FAM124A: variants seen among roughly 807,000 people sequenced by gnomAD.
The protein encoded by FAM124A is family with sequence similarity 124 member A, also known as protein FAM124A.
Under a neutral mutation model 24.5 loss-of-function variants are expected in FAM124A, and 23 were observed. The ratio of observed to expected loss-of-function variants is 0.94; its 90% CI spans 0.68 to 1.33. FAM124A has a LOEUF of 1.33. Ranked by LOEUF, FAM124A falls within the 40% of genes most tolerant of loss-of-function variation. The pLI, the probability that FAM124A is intolerant of heterozygous loss-of-function variation, is 0.00. For missense variants in FAM124A, 623 were observed against 722.8 expected, an observed-to-expected ratio of 0.86 and a Z score of 1.58; for synonymous variants, 287 against 314.7, an observed-to-expected ratio of 0.91 and a Z score of 0.93.
At chr13:51,239,685 G>A (rs1233330602) in intron 2 of FAM124A, among the ~76,000 whole-genome samples, 3 of 152,056 alleles carry the variant, frequency 2.0e-5, no homozygotes, top group Non-Finnish European at 4.4e-5. Flanking sequence ...GAATTGCTGG[G>A]GTAAAAACTG....
intron 2 of FAM124A, among the ~76,000 whole-genome samples, chr13:51,243,990 A>G (rs960562119): frequency 3.9e-5 from 6 of 152,168 alleles, no homozygotes; most frequent in African/African-American, 1.4e-4. Context: ...AGTGCCGTTG[A>G]TGGGGGCTTT....
At chr13:51,263,084 T>G (rs994628273) in intron 3 of FAM124A, among the ~76,000 whole-genome samples, 1 of 152,176 alleles carries the variant, frequency 6.6e-6, no homozygotes, top group Non-Finnish European at 1.5e-5. Context: ...GGCCTCTCAC[T>G]CTGACATCTC....
At chr13:51,261,505 C>A (rs1954737805) in intron 3 of FAM124A, among the ~76,000 whole-genome samples, 1 of 152,086 alleles carries the variant, frequency 6.6e-6, no homozygotes, top group African/African-American at 2.4e-5. Context: ...GACATCATTG[C>A]CTTTTCAGCC....
intron 3 of FAM124A, among the ~76,000 whole-genome samples, chr13:51,278,547 C>T (rs1482162526): frequency 6.6e-6 from 1 of 152,200 alleles, no homozygotes; most frequent in Non-Finnish European, 1.5e-5. Context: ...GATGTGGAGG[C>T]TCCTCAAGCA....
In FAM124A at chr13:51,222,555, C is replaced by G; in HGVS notation, c.54C>G (p.Gly18=). The change falls in exon 1 of 4, where the codon GGC becomes GGG. Residue 18 remains glycine, a synonymous_variant. Coordinates refer to ENST00000322475, the MANE Select transcript of FAM124A (RefSeq NM_001242312.2). Reference sequence around the variant, plus strand: ...AGGAGGACGACTGCGTGGACTCGGGCGCCGAGACCGGAGGGTGAGCCGCGC... The same window carrying G: ...AGGAGGACGACTGCGTGGACTCGGGGGCCGAGACCGGAGGGTGAGCCGCGC... The part of the protein sequence containing the change: ...GGEEDDCVDS[G]AETGGSDYSH... 1 of 1,227,062 alleles carries G rather than the reference C, an allele frequency of 8.1e-7. No homozygotes were observed. Among genetic ancestry groups the G allele is most frequent in the Non-Finnish European group, 1.0e-6 (1 of 986,268 alleles). The allele number at this position is 1,227,062 out of a possible 1,614,324, so 76.0% of individuals were successfully genotyped here.
chr13:51,251,257 G>C lies in FAM124A; in HGVS notation c.101-211G>C, dbSNP rs1344550733. Among the ~76,000 whole-genome samples the C allele has an allele frequency of 1.3e-5, 2 of 152,138 alleles. No individual in the cohort carries two copies. Among genetic ancestry groups the C allele is most frequent in the Non-Finnish European group, 2.9e-5 (2 of 68,024 alleles). ...CCTGTCCAGCTTAGAAACTATTCACGTAGCAACAGCCCTTTCCTCTTTGGC... is the reference window on the plus strand; with the variant it reads ...CCTGTCCAGCTTAGAAACTATTCACCTAGCAACAGCCCTTTCCTCTTTGGC... On this transcript the variant is annotated intron_variant, in intron 2 of 3. Coordinates refer to ENST00000322475, the MANE Select transcript of FAM124A (RefSeq NM_001242312.2). The surrounding 1 kb of genome is among the most constrained non-coding windows in gnomAD (Gnocchi z 5.3).
chr13:51,242,914 G>A (rs193267915), intron 2 of FAM124A, among the ~76,000 whole-genome samples: 21 of 152,282 alleles, frequency 1.4e-4, no homozygotes, highest in Admixed American at 9.2e-4. Flanking sequence ...TTATAAAAGC[G>A]TGAGAGGGCC....
intron 1 of FAM124A, among the ~76,000 whole-genome samples, chr13:51,226,974 T>A (rs1954321382): frequency 6.6e-6 from 1 of 152,198 alleles, no homozygotes; most frequent in Admixed American, 6.5e-5. Flanking sequence ...AGCATATATA[T>A]TTAAAGCCCC....
intron 2 of FAM124A, among the ~76,000 whole-genome samples, chr13:51,234,274 C>T (rs1326832769): frequency 6.6e-6 from 1 of 152,138 alleles, no homozygotes; most frequent in Non-Finnish European, 1.5e-5. Flanking sequence ...GCAAGAGCAT[C>T]GACCTTGTTG....
At chr13:51,230,667 T>A (rs1008374798) in intron 1 of FAM124A, among the ~76,000 whole-genome samples, 1 of 152,174 alleles carries the variant, frequency 6.6e-6, no homozygotes, top group African/African-American at 2.4e-5. Context: ...AGAGCCCCAC[T>A]CTTACGGAGG....
rs913425022 is a variant in FAM124A, at chr13:51,258,465, C to T, written c.834+6264C>T. 6.6e-6 allele frequency among the ~76,000 whole-genome samples: 1 copy of T among 152,080 alleles called. No homozygotes were observed. Among genetic ancestry groups the T allele is most frequent in the Non-Finnish European group, 1.5e-5 (1 of 67,990 alleles). ...GGGGTGAGGGCCATCTGGGATCTCT[C>T]GTGGGTCTCCGAACCCTCTTCAGAC... On this transcript the variant is annotated intron_variant, in intron 3 of 3. Transcript: ENST00000322475. This position sits in a 1 kb window ranked among gnomAD's most constrained non-coding sequence, Gnocchi z 4.2.
At position 51,280,500 on chromosome 13, in the gene FAM124A, C is replaced by T. The variant is rs1954924842; in HGVS notation, c.885C>T (p.Ala295=). ...CTAAACCTGGCAGAGTACATCATGC[C>T]TCCGAGAAGAAACGTCATTCCACTC... ...KFPKPGRVHH[A]SEKKRHSTPL... Residue 295 remains alanine (A), a synonymous_variant, in exon 4 of 4, where the codon GCC becomes GCT. Coordinates refer to ENST00000322475, the MANE Select transcript of FAM124A (RefSeq NM_001242312.2). The T allele has an allele frequency of 1.9e-6, 3 of 1,613,634 alleles. No individual in the cohort carries two copies. The highest frequency in any genetic ancestry group is 1.3e-5 in the African/African-American group (1 of 75,006).
In FAM124A at chr13:51,226,318, A is replaced by G. The variant is rs139196048; in HGVS notation, c.68+3749A>G. ...CTGGCCCTATAGTGTCAGCATTCTG[A>G]AAAAGTGGAGGCAGATGGACTTCAT... On this transcript the variant is annotated intron_variant, in intron 1 of 3. Transcript: ENST00000322475. 8.9e-3 allele frequency among the ~76,000 whole-genome samples: 1,348 copies of G among 152,092 alleles called. 21 individuals are homozygous for G. The highest frequency in any genetic ancestry group is 0.03 in the African/African-American group (1,259 of 41,496).
chr13:51,246,410 G>GGC (rs1954562559), intron 2 of FAM124A, among the ~76,000 whole-genome samples: 1 of 140,472 alleles, frequency 7.1e-6, no homozygotes, highest in Non-Finnish European at 1.6e-5. Flanking sequence ...GGGGTGGGGG[G>GGC]GGGTGTAACT....
At chr13:51,235,143 C>T (rs750023805) in intron 2 of FAM124A, among the ~76,000 whole-genome samples, 10 of 152,042 alleles carry the variant, frequency 6.6e-5, no homozygotes, top group Admixed American at 2.6e-4. Flanking sequence ...ACAAGGAAGA[C>T]GGGATTTTTA....
chr13:51,260,216 G>T (rs1954720561), intron 3 of FAM124A, among the ~76,000 whole-genome samples: 2 of 152,170 alleles, frequency 1.3e-5, no homozygotes, highest in Admixed American at 6.5e-5. Context: ...GAGGCCTGTG[G>T]GCCAGCTTCC....
rs140669496 is a variant in FAM124A, at chr13:51,252,232, G to C, written c.834+31G>C. On this transcript the variant is annotated intron_variant, in intron 3 of 3. Transcript: ENST00000322475. ...GGGGGGACGCCTGTCTGTCTGTTTA[G>C]GGGACCTGAGAAACCAGTTAGCTTT... is the stretch of plus-strand genomic sequence containing the variant. 83 of 1,598,058 alleles carry C rather than the reference G, an allele frequency of 5.2e-5. No homozygotes were observed. The African/African-American group carries it at 9.0e-4, about 17-fold the overall frequency.
chr13:51,277,618 C>T (rs947884153), intron 3 of FAM124A, among the ~76,000 whole-genome samples: 4 of 152,170 alleles, frequency 2.6e-5, no homozygotes, highest in Admixed American at 2.6e-4. Context: ...CATGGTGAAA[C>T]CTTGTCTCTA....
At chr13:51,269,833 A>C (rs1283388988) in intron 3 of FAM124A, among the ~76,000 whole-genome samples, 5 of 152,174 alleles carry the variant, frequency 3.3e-5, no homozygotes, top group Non-Finnish European at 5.9e-5. Context: ...CTGTACCCAA[A>C]AGCAGATCAG....
Sources: gnomAD v4.1 joint callset for allele counts (sites outside exome capture counted in the v4.1 genomes callset) on GRCh38, gnomAD v4.1.1 for gene constraint, Gnocchi (gnomAD v3.1) non-coding constraint, MANE v1.5 for transcripts, NCBI Gene and HGNC (gene_info 2026-07-23, HGNC 2026-07-21) for gene names.